Variants in RFX7 observed in about 807,000 individuals in gnomAD.
RFX7 encodes DNA-binding protein RFX7.
A neutral mutation model predicts 111.8 loss-of-function variants in RFX7; 26 were observed. The ratio of observed to expected loss-of-function variants is 0.23; its 90% CI spans 0.17 to 0.32. The LOEUF (loss-of-function observed/expected upper bound fraction) is 0.32, where lower values mean the gene tolerates loss of function less well. Among genes scored for constraint, RFX7 ranks in the 10% least tolerant of loss-of-function variants. The pLI is 1.00. For missense variants in RFX7, 1,573 were observed against 1,772.9 expected, an observed-to-expected ratio of 0.89 and a Z score of 2.02; for synonymous variants, 624 against 624.4, an observed-to-expected ratio of 1.00 and a Z score of 0.01.
chr15:56,220,056 A>C (rs1239919220), intron 2 of RFX7, among the ~76,000 whole-genome samples: 1 of 151,764 alleles, frequency 6.6e-6, no homozygotes, highest in Non-Finnish European at 1.5e-5. Context: ...CAGGAAGCAT[A>C]ACCTTTTTTT....
At chr15:56,174,754 T>TA (rs1468729369) in intron 3 of RFX7, among the ~76,000 whole-genome samples, 1 of 151,130 alleles carries the variant, frequency 6.6e-6, no homozygotes, top group East Asian at 1.9e-4. Flanking sequence ...CTAAGAAAAA[T>TA]AAAAAAATCA....
At chr15:56,227,766 A>C (rs1409812663) in intron 2 of RFX7, among the ~76,000 whole-genome samples, 1 of 152,194 alleles carries the variant, frequency 6.6e-6, no homozygotes, top group Non-Finnish European at 1.5e-5. Context: ...AAATATAAGA[A>C]AAATAAAAGG....
chr15:56,146,215 A>G (rs1464709028), intron 3 of RFX7, among the ~76,000 whole-genome samples: 1 of 152,066 alleles, frequency 6.6e-6, no homozygotes, highest in Non-Finnish European at 1.5e-5. Context: ...ATCCCACCTC[A>G]GCCTCCCAAG....
intron 2 of RFX7, among the ~76,000 whole-genome samples, chr15:56,241,056 A>C (rs2043683853): frequency 6.6e-6 from 1 of 152,166 alleles, no homozygotes; most frequent in Non-Finnish European, 1.5e-5. Flanking sequence ...TAAGTATATA[A>C]AAATCATTTT....
At chr15:56,148,877 T>G (rs1313252294) in intron 3 of RFX7, among the ~76,000 whole-genome samples, 5 of 151,902 alleles carry the variant, frequency 3.3e-5, no homozygotes, top group African/African-American at 1.2e-4. Flanking sequence ...GTCAGGAGAT[T>G]GAGACCATCC....
chr15:56,187,090 A>G (rs2043047713), intron 2 of RFX7, among the ~76,000 whole-genome samples: 1 of 152,222 alleles, frequency 6.6e-6, no homozygotes, highest in Non-Finnish European at 1.5e-5. Flanking sequence ...TAAACTTGCT[A>G]CACATAACAA....
chr15:56,186,256 G>C (rs1000602253), intron 2 of RFX7, among the ~76,000 whole-genome samples: 19 of 152,224 alleles, frequency 1.2e-4, no homozygotes, highest in African/African-American at 4.6e-4. Flanking sequence ...TAGTTCATCA[G>C]TTCCAACTAC....
chr15:56,241,847 A>T (rs1346167867), intron 2 of RFX7, among the ~76,000 whole-genome samples: 1 of 152,196 alleles, frequency 6.6e-6, no homozygotes, highest in Non-Finnish European at 1.5e-5. Context: ...ATTAAAACTG[A>T]AAGCAAGATA....
intron 3 of RFX7, among the ~76,000 whole-genome samples, chr15:56,167,032 C>T (rs751386535): frequency 1.3e-5 from 2 of 152,184 alleles, no homozygotes; most frequent in Admixed American, 6.5e-5. Context: ...GCCTTTTGTA[C>T]ACCACATGTT....
chr15:56,155,522 C>A (rs1302731582), intron 3 of RFX7, among the ~76,000 whole-genome samples: 1 of 152,132 alleles, frequency 6.6e-6, no homozygotes, highest in East Asian at 1.9e-4. Context: ...GATCAGAAAA[C>A]CAAATACTGC....
In RFX7 at chr15:56,093,357, T is replaced by G; in HGVS notation, c.4371A>C (p.Glu1457Asp). 1 of 1,608,030 alleles carries G rather than the reference T, an allele frequency of 6.2e-7. No individual in the cohort carries two copies. The highest frequency in any genetic ancestry group is 8.5e-7 in the Non-Finnish European group (1 of 1,176,882). The change falls in exon 10 of 10, where the codon GAA (glutamate) becomes GAC (aspartate). Residue 1457 changes from glutamate to aspartate, a missense_variant. Transcript: ENST00000559447. ...WIESKDHPTV[E>D]MLG ...TATAAAACACAATTTAACCCAACAT[T>G]TCAACAGTAGGATGGTCCTTGCTTT...
intron 2 of RFX7, among the ~76,000 whole-genome samples, chr15:56,208,061 T>A (rs1185768021): frequency 2.0e-5 from 3 of 152,214 alleles, no homozygotes; most frequent in Non-Finnish European, 4.4e-5. Context: ...TCCACACTTT[T>A]ACCTCCAAGA....
At chr15:56,188,680 G>A (rs527336388) in intron 2 of RFX7, among the ~76,000 whole-genome samples, 2 of 152,276 alleles carry the variant, frequency 1.3e-5, no homozygotes, top group Admixed American at 1.3e-4. Context: ...ACAAATCCTG[G>A]TGGAGTAACT....
At chr15:56,241,602 T>C (rs566615868) in intron 2 of RFX7, among the ~76,000 whole-genome samples, 9 of 152,178 alleles carry the variant, frequency 5.9e-5, no homozygotes, top group African/African-American at 1.7e-4. Flanking sequence ...CACACACACA[T>C]ACACACTGGT....
chr15:56,096,254 A>C lies in RFX7; in HGVS notation c.1474T>G (p.Ser492Ala), dbSNP rs145609998. Residue 492 changes from serine (S) to alanine (A), a missense_variant, in exon 10 of 10, where the codon TCT (serine) becomes GCT (alanine). Around this residue, in one of 7 missense-constraint regions of RFX7, gnomAD observed 625 missense variants for 632.2 expected, o/e 0.99. Coordinates refer to ENST00000559447, the MANE Select transcript of RFX7 (RefSeq NM_022841.7). ...PSNSNTPLKH[S>A]ASVSSATGTT... ...CCTGTAGCACTGCTGACTGAGGCAG[A>C]ATGTTTAAGAGGGGTGTTACTGTTG... The C allele has an allele frequency of 3.7e-6, 6 of 1,613,892 alleles. No homozygotes were observed. Among genetic ancestry groups the C allele is most frequent in the Admixed American group, 1.7e-5 (1 of 60,012 alleles).
At chr15:56,108,033 ATAACACG>A (rs1226988933) in intron 5 of RFX7, among the ~76,000 whole-genome samples, 1 of 152,228 alleles carries the variant, frequency 6.6e-6, no homozygotes, top group Non-Finnish European at 1.5e-5. Context: ...GAATAGACCA[ATAACACG>A]TTCTGAAATT....
At chr15:56,223,675 T>C (rs545485793) in intron 2 of RFX7, among the ~76,000 whole-genome samples, 2 of 152,274 alleles carry the variant, frequency 1.3e-5, no homozygotes, top group East Asian at 3.9e-4. Context: ...TTCAAGAAAT[T>C]AAAAAACCAA....
rs1336622085 is a variant in RFX7, at chr15:56,137,293, T to C, written c.401+5485A>G. ...TATTGATTATTGCCACAATTTCAGA[T>C]CCTGTTATTGGTCTATTCAGATATT... On this transcript the variant is annotated intron_variant, in intron 5 of 9. Coordinates refer to ENST00000559447, the MANE Select transcript of RFX7 (RefSeq NM_022841.7). Among the ~76,000 whole-genome samples, 4 of 152,258 alleles carry C rather than the reference T, an allele frequency of 2.6e-5. No homozygotes were observed. The East Asian group carries it at 5.8e-4, about 22-fold the overall frequency.
At chr15:56,162,684 A>G (rs1249077102) in intron 3 of RFX7, among the ~76,000 whole-genome samples, 1 of 152,090 alleles carries the variant, frequency 6.6e-6, no homozygotes, top group Non-Finnish European at 1.5e-5. Context: ...CACATACTAA[A>G]GGAGGATACA....
Sources: gnomAD v4.1 joint callset for allele counts (sites outside exome capture counted in the v4.1 genomes callset) on GRCh38, gnomAD v4.1.1 for gene constraint, gnomAD v4.1.1 regional missense constraint, MANE v1.5 for transcripts, NCBI Gene and HGNC (gene_info 2026-07-23, HGNC 2026-07-21) for gene names.